TAOK1: variants seen among roughly 807,000 people sequenced by gnomAD.
TAOK1 encodes TAO kinase 1.
Under a neutral mutation model 138.3 loss-of-function variants are expected in TAOK1, and 21 were observed. That is an observed-to-expected ratio of 0.15 (90% CI 0.11 to 0.22). TAOK1 has a LOEUF of 0.22. Among genes scored for constraint, TAOK1 ranks in the 10% least tolerant of loss-of-function variants. The probability of loss-of-function intolerance (pLI) is 1.00; values close to 1 mark genes in which losing one functional copy is unlikely to be tolerated. For missense variants in TAOK1, 651 were observed against 1,227.7 expected, an observed-to-expected ratio of 0.53 and a Z score of 7.02; for synonymous variants, 361 against 398.4, an observed-to-expected ratio of 0.91 and a Z score of 1.12.
intron 10 of TAOK1, among the ~76,000 whole-genome samples, chr17:29,494,593 G>A (rs1486763880): frequency 6.6e-5 from 10 of 152,122 alleles, no homozygotes; most frequent in Admixed American, 2.6e-4. Flanking sequence ...TTGGGAGGGC[G>A]AGGTGGGCGG....
At chr17:29,472,175 A>G (rs892271278) in intron 3 of TAOK1, among the ~76,000 whole-genome samples, 4 of 152,012 alleles carry the variant, frequency 2.6e-5, no homozygotes, top group African/African-American at 9.7e-5. Flanking sequence ...TCTAGAATGA[A>G]TTATTTCCAG....
At chr17:29,483,535 T>C (rs1400997304) in intron 8 of TAOK1, among the ~76,000 whole-genome samples, 5 of 152,206 alleles carry the variant, frequency 3.3e-5, no homozygotes, top group Non-Finnish European at 4.4e-5. Context: ...ATCTTGCTTA[T>C]TATTACACAG....
intron 1 of TAOK1, among the ~76,000 whole-genome samples, chr17:29,398,884 A>G (rs191868915): frequency 1.3e-5 from 2 of 152,156 alleles, no homozygotes; most frequent in Admixed American, 6.6e-5. Flanking sequence ...AATGCTTGCT[A>G]AGTACTTAAC....
rs759324895 is a variant in TAOK1, at chr17:29,433,822, CT to C, written c.-94-17632del. On this transcript the variant is annotated intron_variant, in intron 1 of 19. Coordinates refer to ENST00000261716, the MANE Select transcript of TAOK1 (RefSeq NM_020791.4). ...CTCCCACCTGGCTATCTCATTTCCCCTCTAATCTAGCAATTGTTAGATTAAG... is the reference window on the plus strand; with the variant it reads ...CTCCCACCTGGCTATCTCATTTCCCCCTAATCTAGCAATTGTTAGATTAAG... Among the ~76,000 whole-genome samples the C allele has an allele frequency of 1.1e-4, 16 of 152,256 alleles. No individual in the cohort carries two copies. The East Asian group carries it at 2.3e-3, about 22-fold the overall frequency.
intron 1 of TAOK1, among the ~76,000 whole-genome samples, chr17:29,404,263 A>G (rs944669009): frequency 6.6e-6 from 1 of 152,098 alleles, no homozygotes; most frequent in Non-Finnish European, 1.5e-5. Context: ...CCTGGGCTCA[A>G]GTGATCCTCC....
At chr17:29,493,914 A>T (rs1235278592) in intron 10 of TAOK1, among the ~76,000 whole-genome samples, 2 of 151,818 alleles carry the variant, frequency 1.3e-5, no homozygotes, top group Non-Finnish European at 2.9e-5. Context: ...AAATAATAAT[A>T]ATTATTTTTT....
chr17:29,530,962 ATTT>A (rs66788063), intron 18 of TAOK1, among the ~76,000 whole-genome samples: 1 of 96,190 alleles, frequency 1.0e-5, no homozygotes, highest in East Asian at 3.1e-4. Context: ...ACAAGTACAA[ATTT>A]TTTTTTTTTT....
chr17:29,491,835 A>C lies in TAOK1; in HGVS notation c.801A>C (p.Gln267His). 1 of 1,613,782 alleles carries C rather than the reference A, an allele frequency of 6.2e-7. No individual in the cohort carries two copies. Residue 267 changes from glutamine (Q) to histidine (H), a missense_variant, in exon 10 of 20, where the codon CAA becomes CAC. Around this residue, in one of 8 missense-constraint regions of TAOK1, gnomAD observed 39 missense variants for 52.5 expected, o/e 0.74. Transcript: ENST00000261716. ...FVDSCLQKIP[Q>H]DRPTSEELLK... ...ATTCTTGCCTCCAGAAAATCCCTCA[A>C]GATCGACCTACATCAGAGGAACTTT...
intron 17 of TAOK1, among the ~76,000 whole-genome samples, chr17:29,522,868 A>G (rs2031942345): frequency 6.6e-6 from 1 of 152,186 alleles, no homozygotes; most frequent in Non-Finnish European, 1.5e-5. Flanking sequence ...TGAGGTCAGG[A>G]GTTCAAGACC....
intron 17 of TAOK1, among the ~76,000 whole-genome samples, chr17:29,526,744 A>G (rs1403906286): frequency 2.0e-5 from 3 of 148,240 alleles, no homozygotes; most frequent in Non-Finnish European, 4.5e-5. Flanking sequence ...GGTGCTACTC[A>G]GCCTGAGCAA....
chr17:29,534,171 G>A lies in TAOK1; in HGVS notation c.2415G>A (p.Leu805=), dbSNP rs926276969. ...AGTGCCAGGTTTTGAAGATGCAGCT[G>A]CAGCAGGAACTGGAGCTGTTGAATG... is the stretch of plus-strand genomic sequence containing the variant. ...EAECQVLKMQ[L]QQELELLNAY... is the part of the protein sequence containing the mutation. Residue 805 remains leucine (L), a synonymous_variant, in exon 19 of 20, where the codon CTG becomes CTA. Transcript: ENST00000261716. 6.2e-6 allele frequency: 10 copies of A among 1,613,240 alleles called. No homozygotes were observed. In the African/African-American group the frequency reaches 1.3e-4, roughly 22 times the overall value.
chr17:29,541,815 A>G (rs1029865524), intron 19 of TAOK1, among the ~76,000 whole-genome samples: 3 of 152,104 alleles, frequency 2.0e-5, no homozygotes, highest in Non-Finnish European at 2.9e-5. Flanking sequence ...TACACATTTT[A>G]AAAATATAAA....
intron 9 of TAOK1, among the ~76,000 whole-genome samples, chr17:29,490,482 A>C (rs1008084281): frequency 1.3e-5 from 2 of 152,222 alleles, no homozygotes; most frequent in Non-Finnish European, 2.9e-5. Context: ...CATATAAATT[A>C]GGGGTACTTA....
intron 17 of TAOK1, among the ~76,000 whole-genome samples, chr17:29,522,891 A>G (rs1187196562): frequency 6.6e-6 from 1 of 152,122 alleles, no homozygotes; most frequent in Non-Finnish European, 1.5e-5. Flanking sequence ...CTTGGACAAC[A>G]TGGTGAAACC....
intron 1 of TAOK1, among the ~76,000 whole-genome samples, chr17:29,406,999 T>C (rs1257744511): frequency 6.6e-6 from 1 of 152,210 alleles, no homozygotes; most frequent in Admixed American, 6.6e-5. Context: ...ATAGAGAACA[T>C]TCCTAGTACC....
At chr17:29,535,776 G>A (rs1056609344) in intron 19 of TAOK1, among the ~76,000 whole-genome samples, 25 of 151,956 alleles carry the variant, frequency 1.6e-4, no homozygotes, top group African/African-American at 6.0e-4. Flanking sequence ...GATCACTTGA[G>A]CCCAGGAGGT....
At chr17:29,499,227 ATC>A (rs2031468738) in intron 12 of TAOK1, among the ~76,000 whole-genome samples, 1 of 140,332 alleles carries the variant, frequency 7.1e-6, no homozygotes, top group Admixed American at 7.4e-5. Flanking sequence ...TAATGTTTAT[ATC>A]TTTTTTTTTT....
intron 1 of TAOK1, among the ~76,000 whole-genome samples, chr17:29,447,622 A>G (rs2030120077): frequency 6.6e-6 from 1 of 151,940 alleles, no homozygotes; most frequent in African/African-American, 2.4e-5. Flanking sequence ...TACAGGTGCA[A>G]GCTACCTCAC....
At position 29,434,919 on chromosome 17, in the gene TAOK1, G is replaced by A. The variant is rs546477164; in HGVS notation, c.-94-16536G>A. Among the ~76,000 whole-genome samples, 4 of 152,250 alleles carry A rather than the reference G, an allele frequency of 2.6e-5. No homozygotes were observed. The East Asian group carries it at 7.7e-4, about 29-fold the overall frequency. On this transcript the variant is annotated intron_variant, in intron 1 of 19. Coordinates refer to ENST00000261716, the MANE Select transcript of TAOK1 (RefSeq NM_020791.4). ...GACTCCTTGTAAGCCAAATGCTAAGGTGAAACTGTGGAACCGAGTCCTCCT... is the reference window on the plus strand; with the variant it reads ...GACTCCTTGTAAGCCAAATGCTAAGATGAAACTGTGGAACCGAGTCCTCCT...
Sources: allele counts gnomAD v4.1 joint callset (sites outside exome capture counted in the v4.1 genomes callset), GRCh38; gene constraint gnomAD v4.1.1; regional missense constraint gnomAD v4.1.1; transcripts MANE v1.5; gene names NCBI Gene and HGNC (gene_info 2026-07-23, HGNC 2026-07-21).